SPG11: variants seen among roughly 807,000 people sequenced by gnomAD.
SPG11 encodes SPG11 vesicle trafficking associated, spatacsin.
In SPG11, 222 loss-of-function variants were observed where a neutral mutation model predicts 274.0. That is an observed-to-expected ratio of 0.81 (90% CI 0.73 to 0.91). The LOEUF is 0.91. Ranked by LOEUF, SPG11 falls within the 40% of genes least tolerant of loss-of-function variation. The pLI, the probability that SPG11 is intolerant of heterozygous loss-of-function variation, is 0.00. For missense variants in SPG11, 3,114 were observed against 2,872.7 expected (o/e 1.08, Z -1.92); for synonymous variants, 1,144 against 1,039.7 (o/e 1.10, Z -1.93).
At chr15:44,601,149 T>A (rs565197377) in intron 20 of SPG11, among the ~76,000 whole-genome samples, 1 of 152,144 alleles carries the variant, frequency 6.6e-6, no homozygotes, top group East Asian at 1.9e-4. Flanking sequence ...TGAAACTTCA[T>A]TTCAAAAAAA....
At position 44,573,712 on chromosome 15, in the gene SPG11, G is replaced by C; in HGVS notation, c.6040C>G (p.Gln2014Glu). 6.2e-7 allele frequency: 1 copy of C among 1,614,184 alleles called. No homozygotes were observed. Among genetic ancestry groups the C allele is most frequent in the Non-Finnish European group, 8.5e-7 (1 of 1,180,026 alleles). Residue 2014 changes from glutamine (Q) to glutamate (E), a missense_variant, in exon 32 of 40, where the codon CAG (glutamine) becomes GAG (glutamate). Transcript: ENST00000261866. ...TTCCGGAGCATGGCTTCACCATCCT[G>C]AGCAGCAACATCTGTGTAGGAACAG... ...LGCSYTDVAAQDGEAMLRKIL... is the reference protein window; with the variant it reads ...LGCSYTDVAAEDGEAMLRKIL...
In SPG11 at chr15:44,592,560, T is replaced by C. The variant is rs144974798; in HGVS notation, c.4636-122A>G. ...AAGGCAGGGCACAGTGGCTCATGCC[T>C]GTAATGCCAGCACTTTGGGAAGCCG... On this transcript the variant is annotated intron_variant, in intron 26 of 39. Transcript: ENST00000261866. 5.6e-3 allele frequency: 3,988 copies of C among 706,082 alleles called. 163 individuals carry two copies. In the East Asian group the frequency reaches 0.077, roughly 14 times the overall value. The allele number at this position is 706,082 out of a possible 1,614,324, so 43.7% of individuals were successfully genotyped here.
intron 8 of SPG11, among the ~76,000 whole-genome samples, chr15:44,632,480 T>C (rs1181527826): frequency 2.6e-5 from 4 of 152,026 alleles, no homozygotes; most frequent in African/African-American, 9.7e-5. Flanking sequence ...TTGAAAAGTG[T>C]TGGTAATATG....
chr15:44,573,752 G>A lies in SPG11; in HGVS notation c.6007-7C>T. The stretch of plus-strand genomic sequence containing the variant: ...TGTAGGAACAGCCCAACTCCTGAGA[G>A]GAAGACAAAGCCAGTCAAGGCCACT... On this transcript the variant is annotated splice_polypyrimidine_tract_variant and splice_region_variant and intron_variant, in intron 31 of 39. Coordinates refer to ENST00000261866, the MANE Select transcript of SPG11 (RefSeq NM_025137.4). The A allele has an allele frequency of 1.2e-6, 2 of 1,614,154 alleles. No homozygotes were observed. The highest frequency in any genetic ancestry group is 8.5e-7 in the Non-Finnish European group (1 of 1,179,998).
At chr15:44,563,719 TC>T (rs2082246814) in intron 39 of SPG11, among the ~76,000 whole-genome samples, 1 of 152,052 alleles carries the variant, frequency 6.6e-6, no homozygotes, top group African/African-American at 2.4e-5. Flanking sequence ...GAGTGTGAAC[TC>T]CTGGGCTCAG....
intron 20 of SPG11, 106 bp downstream of exon 20, chr15:44,605,918 AC>A (rs1353114527): frequency 1.0e-6 from 1 of 983,926 alleles, no homozygotes; most frequent in African/African-American, 1.6e-5. Flanking sequence ...ATACACCTTT[AC>A]TTTTAAAATA....
At chr15:44,654,824 G>A (rs1467748199) in intron 4 of SPG11, among the ~76,000 whole-genome samples, 5 of 150,186 alleles carry the variant, frequency 3.3e-5, no homozygotes, top group African/African-American at 7.4e-5. Flanking sequence ...CAACAAGAGC[G>A]AAACTCCATC....
intron 7 of SPG11, among the ~76,000 whole-genome samples, chr15:44,635,191 G>C (rs552044499): frequency 6.6e-6 from 1 of 152,056 alleles, no homozygotes; most frequent in Non-Finnish European, 1.5e-5. Context: ...ACTCCAGCCT[G>C]GGCAGCACAG....
chr15:44,582,269 C>T (rs539507759), intron 30 of SPG11, among the ~76,000 whole-genome samples: 195 of 152,122 alleles, frequency 1.3e-3, no homozygotes, highest in South Asian at 2.9e-3. Flanking sequence ...AAAAAAAGGC[C>T]GGGCACGGTG....
rs191284070 is a variant in SPG11 at position 44,563,391 on chromosome 15, T to A, written c.7152-90A>T. On this transcript the variant is annotated intron_variant, in intron 39 of 39. Transcript: ENST00000261866. ...TCTTACTCTGTTGCCCAGGCTGGAG[T>A]GCAGAGGAGCAGTCTTGGCTCACTG... 5.2e-5 allele frequency: 65 copies of A among 1,238,658 alleles called. No individual in the cohort carries two copies. In the East Asian group the frequency reaches 1.3e-3, roughly 25 times the overall value. 76.7% of individuals were successfully genotyped at this position (1,238,658 alleles called of 1,614,324 possible).
chr15:44,605,934 T>C (rs1595872712), intron 20 of SPG11, 91 bp downstream of exon 20: 2 of 1,118,492 alleles, frequency 1.8e-6, no homozygotes, highest in Non-Finnish European at 2.7e-6. Flanking sequence ...AAAATAAAAA[T>C]CAATGAGAAA....
At chr15:44,636,925 C>CAAAAAAAAACAAACAAAA (rs2084275496) in intron 7 of SPG11, among the ~76,000 whole-genome samples, 1 of 19,452 alleles carries the variant, frequency 5.1e-5, no homozygotes, top group Non-Finnish European at 8.0e-5. Flanking sequence ...GACTCCATCT[C>CAAAAAAAAACAAACAAAA]AAAAAAAAAA....
Position 44,657,106 on chromosome 15 carries a change from A to ATT in SPG11, c.856_857dup (p.Asn286LysfsTer18), listed in dbSNP as rs1280542969. The ATT allele has an allele frequency of 6.2e-7, 1 of 1,613,898 alleles. No individual in the cohort carries two copies. The highest frequency in any genetic ancestry group is 2.2e-5 in the East Asian group (1 of 44,894). On this transcript the variant is annotated frameshift_variant, in exon 4 of 40. Transcript: ENST00000261866. LOFTEE classifies it high-confidence loss of function. ...AGTCATCTACATACCTGAAATACAA[A>ATT]TTTAAGTTAAGAGCAACTGCGGAGT...
chr15:44,566,006 A>T lies in SPG11; in HGVS notation c.6847T>A (p.Ser2283Thr), dbSNP rs2082300776. 1.9e-6 allele frequency: 3 copies of T among 1,613,638 alleles called. No homozygotes were observed. Among genetic ancestry groups the T allele is most frequent in the Non-Finnish European group, 2.5e-6 (3 of 1,180,012 alleles). ...CAGTGCTGGGCCTGTCGCACACAGG[A>T]GTCCTGAGGAACAAGGGTGGAGAGG... ...LDAAESYAKDSCVRQAQHCQR... is the reference protein window; with the variant it reads ...LDAAESYAKDTCVRQAQHCQR... Residue 2283 changes from serine (S) to threonine (T), a missense_variant, in exon 38 of 40, where the codon TCC becomes ACC. By Grantham distance (58) the Ser-to-Thr change is moderately conservative (BLOSUM62 1). Coordinates refer to ENST00000261866, the MANE Select transcript of SPG11 (RefSeq NM_025137.4).
intron 4 of SPG11, among the ~76,000 whole-genome samples, chr15:44,653,403 GAGA>G (rs1454057585): frequency 6.6e-6 from 1 of 152,174 alleles, no homozygotes; most frequent in East Asian, 1.9e-4. Context: ...GGGCGAAAAT[GAGA>G]AGATGCATGA....
intron 7 of SPG11, among the ~76,000 whole-genome samples, chr15:44,642,318 T>A (rs1375843376): frequency 7.7e-6 from 1 of 130,098 alleles, no homozygotes; most frequent in Non-Finnish European, 1.5e-5. Flanking sequence ...TAAGCTGAGA[T>A]AGCTCCACTG....
intron 30 of SPG11, among the ~76,000 whole-genome samples, chr15:44,582,337 A>G (rs1165548185): frequency 1.3e-5 from 2 of 152,154 alleles, no homozygotes; most frequent in East Asian, 3.9e-4. Context: ...CACTTGAGGT[A>G]AGGAGTTCAA....
chr15:44,663,279 C>T (rs2085172057), intron 1 of SPG11, 112 bp downstream of exon 1: 2 of 1,432,520 alleles, frequency 1.4e-6, no homozygotes, highest in Non-Finnish European at 9.5e-7. Context: ...TGGCACCCTT[C>T]TCCCGCCACC....
intron 7 of SPG11, among the ~76,000 whole-genome samples, chr15:44,648,282 G>A (rs935597014): frequency 3.3e-5 from 5 of 152,106 alleles, no homozygotes; most frequent in East Asian, 1.9e-4. Flanking sequence ...AGGACACAGC[G>A]GGTGAATCAC....
Sources: allele counts gnomAD v4.1 joint callset (sites outside exome capture counted in the v4.1 genomes callset), GRCh38; gene constraint gnomAD v4.1.1; transcripts MANE v1.5; gene names NCBI Gene and HGNC (gene_info 2026-07-23, HGNC 2026-07-21).